Variants in SLC2A13 observed in about 807,000 individuals in gnomAD.
The protein encoded by SLC2A13 is proton myo-inositol cotransporter.
In SLC2A13, 32 loss-of-function variants were observed where a neutral mutation model predicts 64.4. The observed-to-expected ratio is 0.50, with a 90% CI of 0.37 to 0.67. The LOEUF is 0.67. Among genes scored for constraint, SLC2A13 ranks in the 30% least tolerant of loss-of-function variants. SLC2A13 has a pLI of 0.00. For missense variants in SLC2A13, 743 were observed against 829.2 expected, an observed-to-expected ratio of 0.90 and a Z score of 1.28; for synonymous variants, 338 against 327.1, an observed-to-expected ratio of 1.03 and a Z score of -0.36.
chr12:40,056,949 C>T (rs186648000), intron 1 of SLC2A13, among the ~76,000 whole-genome samples: 1 of 152,100 alleles, frequency 6.6e-6, no homozygotes, highest in East Asian at 1.9e-4. Context: ...CATTGCACTG[C>T]AGCCTGGGTG....
chr12:40,019,068 T>C (rs1947667792), intron 3 of SLC2A13, among the ~76,000 whole-genome samples: 1 of 152,080 alleles, frequency 6.6e-6, no homozygotes, highest in South Asian at 2.1e-4. Context: ...GGGGAAAGGA[T>C]GGAGAGGGAA....
At chr12:40,072,805 A>T (rs6650226) in intron 1 of SLC2A13, among the ~76,000 whole-genome samples, 80,933 of 151,822 alleles carry the variant, frequency 0.53, 22,119 homozygotes, top group Admixed American at 0.57. Flanking sequence ...TCTTGTTTTT[A>T]TAGGCACTCC....
At position 39,985,806 on chromosome 12, in the gene SLC2A13, T is replaced by A. The variant is rs187382220; in HGVS notation, c.926-34441A>T. 1.5e-4 allele frequency among the ~76,000 whole-genome samples: 23 copies of A among 152,244 alleles called. No homozygotes were observed. The East Asian group carries it at 4.2e-3, about 28-fold the overall frequency. ...CTGTTCTCTGCAGTAGGGTGGTTCT[T>A]TACCTCTTTTCATGCTACCATATCA... On this transcript the variant is annotated intron_variant, in intron 3 of 9. Coordinates refer to ENST00000280871, the MANE Select transcript of SLC2A13 (RefSeq NM_052885.4).
At chr12:40,034,431 C>T (rs1394404411) in intron 2 of SLC2A13, among the ~76,000 whole-genome samples, 2 of 152,314 alleles carry the variant, frequency 1.3e-5, no homozygotes, top group East Asian at 3.9e-4. Flanking sequence ...GATTGGCTCA[C>T]TGACAATCTC....
At chr12:39,957,670 C>G (rs1263617769) in intron 3 of SLC2A13, among the ~76,000 whole-genome samples, 2 of 152,196 alleles carry the variant, frequency 1.3e-5, no homozygotes, top group African/African-American at 4.8e-5. Context: ...CATGTCAGGT[C>G]CTGCGTGCTA....
intron 3 of SLC2A13, among the ~76,000 whole-genome samples, chr12:39,979,143 A>G (rs1197819429): frequency 6.6e-6 from 1 of 150,416 alleles, no homozygotes; most frequent in Non-Finnish European, 1.5e-5. Context: ...TAACAAACAG[A>G]AAGGACATCC....
chr12:40,010,820 T>C (rs539524350), intron 3 of SLC2A13, among the ~76,000 whole-genome samples: 146 of 152,134 alleles, frequency 9.6e-4, no homozygotes, highest in Non-Finnish European at 1.7e-3. Context: ...CAAACCTAAA[T>C]GACTTGGTAA....
intron 9 of SLC2A13, among the ~76,000 whole-genome samples, chr12:39,762,863 T>A (rs995668776): frequency 6.6e-6 from 1 of 152,022 alleles, no homozygotes; most frequent in Non-Finnish European, 1.5e-5. Flanking sequence ...CTTTTAACTG[T>A]TTATTTTTGA....
At chr12:39,785,674 G>A (rs549652536) in intron 7 of SLC2A13, among the ~76,000 whole-genome samples, 5 of 152,238 alleles carry the variant, frequency 3.3e-5, no homozygotes, top group East Asian at 3.9e-4. Flanking sequence ...GACACTCAAC[G>A]CCAGCCCGTG....
chr12:39,908,354 C>T (rs939045612), intron 4 of SLC2A13: 1 of 151,602 alleles, frequency 6.6e-6, no homozygotes, highest in African/African-American at 2.4e-5. Flanking sequence ...CTGTTTTCTT[C>T]CTGTTAATTA....
chr12:39,863,301 A>T (rs887111944), intron 6 of SLC2A13, among the ~76,000 whole-genome samples: 11 of 152,166 alleles, frequency 7.2e-5, no homozygotes, highest in Non-Finnish European at 1.5e-4. Flanking sequence ...TTTTATTTAA[A>T]CTTTAAAGTC....
intron 1 of SLC2A13, among the ~76,000 whole-genome samples, chr12:40,055,598 T>G (rs1948321931): frequency 6.6e-6 from 1 of 152,220 alleles, no homozygotes; most frequent in Non-Finnish European, 1.5e-5. Flanking sequence ...AGTTATTGAT[T>G]AGTACTATGG....
intron 7 of SLC2A13, among the ~76,000 whole-genome samples, chr12:39,821,875 G>C (rs1268383086): frequency 6.6e-6 from 1 of 152,066 alleles, no homozygotes; most frequent in African/African-American, 2.4e-5. Flanking sequence ...CACGTGCCAA[G>C]AATAGAAGAT....
intron 1 of SLC2A13, among the ~76,000 whole-genome samples, chr12:40,063,479 A>T (rs1948459384): frequency 6.7e-6 from 1 of 149,762 alleles, no homozygotes; most frequent in African/African-American, 2.4e-5. Flanking sequence ...AAAAAACTGA[A>T]GAAAAAAAAA....
chr12:40,084,388 A>C (rs1280635588), intron 1 of SLC2A13, among the ~76,000 whole-genome samples: 1 of 152,222 alleles, frequency 6.6e-6, no homozygotes, highest in East Asian at 1.9e-4. Flanking sequence ...TTTTCCATTA[A>C]AAAGCACTCT....
At chr12:39,765,456 C>A (rs1033308291) in intron 7 of SLC2A13, among the ~76,000 whole-genome samples, 1 of 152,028 alleles carries the variant, frequency 6.6e-6, no homozygotes, top group African/African-American at 2.4e-5. Flanking sequence ...TAGATCCATT[C>A]TGAAGTTGAA....
In SLC2A13 at chr12:39,942,890, A is replaced by T. The variant is rs1946061452; in HGVS notation, c.1034+8367T>A. Among the ~76,000 whole-genome samples, 4 of 151,476 alleles carry T rather than the reference A, an allele frequency of 2.6e-5. No individual in the cohort carries two copies. The South Asian group carries it at 8.4e-4, about 32-fold the overall frequency. On this transcript the variant is annotated intron_variant, in intron 4 of 9. Transcript: ENST00000280871. ...TGCTGGTTTTTCCTCATCTTCATGG[A>T]TTTATCTACCTCTGGTCTTTGATGT... is the stretch of plus-strand genomic sequence containing the variant.
intron 4 of SLC2A13, among the ~76,000 whole-genome samples, chr12:39,924,881 G>T (rs1374115198): frequency 1.3e-5 from 2 of 151,572 alleles, no homozygotes; most frequent in Non-Finnish European, 2.9e-5. Flanking sequence ...AAGTTTCTTT[G>T]TCTATGTAAT....
intron 4 of SLC2A13, among the ~76,000 whole-genome samples, chr12:39,879,533 CTTTAATA>C (rs1944289083): frequency 6.6e-6 from 1 of 152,202 alleles, no homozygotes; most frequent in Admixed American, 6.5e-5. Context: ...TATTTTGAAG[CTTTAATA>C]TTTAATTACA....
Sources: allele counts gnomAD v4.1 joint callset (sites outside exome capture counted in the v4.1 genomes callset), GRCh38; gene constraint gnomAD v4.1.1; transcripts MANE v1.5; gene names NCBI Gene and HGNC (gene_info 2026-07-23, HGNC 2026-07-21).